CEP350: variants seen among roughly 807,000 people sequenced by gnomAD.
CEP350 encodes centrosome-associated protein 350.
CEP350 carries 126 observed loss-of-function variants against 331.8 expected under a neutral mutation model. The ratio of observed to expected loss-of-function variants is 0.38; its 90% CI spans 0.33 to 0.44. CEP350 has a LOEUF of 0.44. CEP350 is among the 20% of genes least tolerant of loss of function. The probability of loss-of-function intolerance (pLI) is 1.00; values close to 1 mark genes in which losing one functional copy is unlikely to be tolerated. For synonymous variants in CEP350, 1,200 were observed against 1,259.5 expected (o/e 0.95, Z 1.00); for missense variants, 3,406 against 3,634.6 (o/e 0.94, Z 1.62).
chr1:179,985,975 C>T (rs1049257040), intron 1 of CEP350, among the ~76,000 whole-genome samples, 194 bp from the exon 2 acceptor site: 6 of 152,164 alleles, frequency 3.9e-5, no homozygotes, highest in African/African-American at 9.7e-5. Context: ...TACATTCCCA[C>T]GAACAGCACA....
At chr1:180,021,043 A>G in intron 12 of CEP350, 34 bp downstream of exon 12, 3 of 1,428,452 alleles carry the variant, frequency 2.1e-6, no homozygotes, top group Non-Finnish European at 2.8e-6. Context: ...TACTGTTTGT[A>G]TATTAAGATG....
intron 33 of CEP350, among the ~76,000 whole-genome samples, chr1:180,091,008 GT>G (rs1457835831): frequency 2.7e-5 from 4 of 147,640 alleles, no homozygotes; most frequent in South Asian, 2.1e-4. Flanking sequence ...AGTTTTTTGG[GT>G]TTTTTTTTTG....
Position 180,095,889 on chromosome 1 carries a change from G to A in CEP350, c.8878G>A (p.Gly2960Ser), listed in dbSNP as rs1264390991. Residue 2960 changes from glycine (G) to serine (S), a missense_variant, in exon 35 of 38, where the codon GGT becomes AGT. Coordinates refer to ENST00000367607, the MANE Select transcript of CEP350 (RefSeq NM_014810.5). ...AAAACTGCTTGGCTGTGCCAGTAAA[G>A]GTCTAGATATAGAAAGCACTAGTAA... ...PTKLLGCASK[G>S]LDIESTSKRV... 1.9e-6 allele frequency: 3 copies of A among 1,610,498 alleles called. No homozygotes were observed. The highest frequency in any genetic ancestry group is 1.7e-5 in the Admixed American group (1 of 59,182).
Position 180,075,120 on chromosome 1 carries a change from TTCG to T in CEP350, c.5669_5671del (p.Arg1890del), listed in dbSNP as rs748762126. 2 of 1,613,620 alleles carry T rather than the reference TTCG, an allele frequency of 1.2e-6. No homozygotes were observed. Among genetic ancestry groups the T allele is most frequent in the Non-Finnish European group, 1.7e-6 (2 of 1,179,750 alleles). Reference sequence around the variant, plus strand: ...CGTTTAGATGCAGAAGAAGCAGAAATTCGTCAAATGGAAAAACAAGCTTTGGCT... The same window carrying T: ...CGTTTAGATGCAGAAGAAGCAGAAATTCAAATGGAAAAACAAGCTTTGGCT... On this transcript the variant is annotated inframe_deletion, in exon 28 of 38. Transcript: ENST00000367607.
chr1:179,982,689 G>T (rs1652367846), intron 1 of CEP350, among the ~76,000 whole-genome samples: 1 of 152,142 alleles, frequency 6.6e-6, no homozygotes, highest in Non-Finnish European at 1.5e-5. Flanking sequence ...TCTGCCCAAA[G>T]AAATTTTTTG....
chr1:180,021,053 G>T, intron 12 of CEP350, 44 bp downstream of exon 12: 1 of 1,409,200 alleles, frequency 7.1e-7, no homozygotes, highest in Non-Finnish European at 9.3e-7. Flanking sequence ...ATATTAAGAT[G>T]AATTATTTTA....
chr1:180,032,687 G>A (rs1228750802), intron 15 of CEP350, among the ~76,000 whole-genome samples: 4 of 147,610 alleles, frequency 2.7e-5, no homozygotes, highest in Admixed American at 2.7e-4. Context: ...AAGCTCTTTT[G>A]CTTTCTTTTG....
rs143346408 is a variant in CEP350, at chr1:180,061,483, C to A, written c.5263-737C>A. ...TGCTAGGATTACAGGTGTGAGCCACCATGCCCAGCCAAGAAAACAGATTTA... is the reference window on the plus strand; with the variant it reads ...TGCTAGGATTACAGGTGTGAGCCACAATGCCCAGCCAAGAAAACAGATTTA... On this transcript the variant is annotated intron_variant, in intron 25 of 37. Transcript: ENST00000367607. Among the ~76,000 whole-genome samples, 245 of 152,282 alleles carry A rather than the reference C, an allele frequency of 1.6e-3. 4 individuals carry two copies. In the East Asian group the frequency reaches 0.041, roughly 25 times the overall value.
chr1:180,022,794 T>G lies in CEP350; in HGVS notation c.3332T>G (p.Val1111Gly). The part of the protein sequence containing the change: ...LSGVSYEDDF[V>G]SSPGTGTSTE... ...GGTGTTTCATATGAAGATGATTTTG[T>G]CTCCTCTCCAGGGACTGGGACTTCG... Residue 1111 changes from valine to glycine, a missense_variant, in exon 13 of 38, where the codon GTC becomes GGC. Val to Gly is a moderately radical substitution (Grantham distance 109). Around this residue, in one of 5 missense-constraint regions of CEP350, gnomAD observed 1,857 missense variants for 1,909.2 expected, o/e 0.97. Coordinates refer to ENST00000367607, the MANE Select transcript of CEP350 (RefSeq NM_014810.5). The G allele has an allele frequency of 1.2e-6, 2 of 1,604,486 alleles. No individual in the cohort carries two copies. The highest frequency in any genetic ancestry group is 1.7e-6 in the Non-Finnish European group (2 of 1,174,810).
intron 1 of CEP350, among the ~76,000 whole-genome samples, chr1:179,964,617 G>T (rs181559967): frequency 6.6e-6 from 1 of 152,034 alleles, no homozygotes; most frequent in Non-Finnish European, 1.5e-5. Flanking sequence ...GGGAGGTTGT[G>T]TGTTTCCAAG....
At chr1:179,982,964 T>C (rs1652387264) in intron 1 of CEP350, among the ~76,000 whole-genome samples, 1 of 151,790 alleles carries the variant, frequency 6.6e-6, no homozygotes, top group Admixed American at 6.6e-5. Flanking sequence ...CTAATTTTTG[T>C]ATTTTTAGTA....
chr1:179,966,796 A>C (rs1203264482), intron 1 of CEP350, among the ~76,000 whole-genome samples: 1 of 152,100 alleles, frequency 6.6e-6, no homozygotes, highest in East Asian at 1.9e-4. Context: ...ATTTGCTCAA[A>C]CTCTGATAGC....
At chr1:180,102,360 T>C (rs1660874063) in intron 37 of CEP350, among the ~76,000 whole-genome samples, 1 of 152,086 alleles carries the variant, frequency 6.6e-6, no homozygotes, top group Non-Finnish European at 1.5e-5. Context: ...GGTCTCAAGC[T>C]CCTGACCTCA....
Position 180,080,453 on chromosome 1 carries a change from A to C in CEP350, c.5980-64A>C. On this transcript the variant is annotated intron_variant, in intron 29 of 37. Transcript: ENST00000367607. ...TATCTTTATATGGCTAGTATGTCAA[A>C]TTTTAAATAGAATTTTACAATTATA... is the stretch of plus-strand genomic sequence containing the variant. 5 of 1,470,622 alleles carry C rather than the reference A, an allele frequency of 3.4e-6. No homozygotes were observed. The South Asian group carries it at 5.9e-5, about 17-fold the overall frequency. 91.1% of individuals were successfully genotyped at this position (1,470,622 alleles called of 1,614,324 possible).
chr1:179,974,845 G>A (rs1297157967), intron 1 of CEP350, among the ~76,000 whole-genome samples: 5 of 152,050 alleles, frequency 3.3e-5, no homozygotes, highest in Admixed American at 6.5e-5. Context: ...AGATAAATTC[G>A]TTGGACATGG....
intron 37 of CEP350, 37 bp from the exon 38 acceptor site, chr1:180,110,960 C>T (rs1294516877): frequency 1.3e-6 from 2 of 1,570,534 alleles, no homozygotes; most frequent in Non-Finnish European, 1.7e-6. Context: ...TTTTGTATGA[C>T]AGGAATTTTC....
At chr1:180,007,878 G>A (rs1455612110) in intron 8 of CEP350, among the ~76,000 whole-genome samples, 1 of 147,902 alleles carries the variant, frequency 6.8e-6, no homozygotes, top group Non-Finnish European at 1.5e-5. Flanking sequence ...GTGTGTGTGT[G>A]TTAAGGGGTA....
At chr1:180,090,268 C>CG (rs1660091385) in intron 32 of CEP350, among the ~76,000 whole-genome samples, 1 of 151,812 alleles carries the variant, frequency 6.6e-6, no homozygotes. Context: ...TTGATGAGGC[C>CG]GGGCGCGGTG....
In CEP350 at chr1:180,024,577, C is replaced by T; in HGVS notation, c.3545C>T (p.Thr1182Ile). The change falls in exon 14 of 38, where the codon ACA (threonine) becomes ATA (isoleucine). Residue 1182 changes from threonine (T) to isoleucine (I), a missense_variant. By Grantham distance (89) the Thr-to-Ile change is moderately conservative. This residue lies in a region of CEP350 where 1,857 missense variants were observed against 1,909.2 expected (regional missense o/e 0.97). Coordinates refer to ENST00000367607, the MANE Select transcript of CEP350 (RefSeq NM_014810.5). Reference sequence around the variant, plus strand: ...GGAAAGAAAGGAAAAAAGGAAAAGACAGAATGTAAGTGGAATTCCACATGG... The same window carrying T: ...GGAAAGAAAGGAAAAAAGGAAAAGATAGAATGTAAGTGGAATTCCACATGG... ...SKGKKGKKEKTEWLDSFTGNV... is the reference protein window; with the variant it reads ...SKGKKGKKEKIEWLDSFTGNV... The T allele has an allele frequency of 1.2e-6, 2 of 1,608,614 alleles. No homozygotes were observed. The highest frequency in any genetic ancestry group is 1.1e-5 in the South Asian group (1 of 90,566).
Sources: allele counts gnomAD v4.1 joint callset (sites outside exome capture counted in the v4.1 genomes callset), GRCh38; gene constraint gnomAD v4.1.1; regional missense constraint gnomAD v4.1.1; transcripts MANE v1.5; gene names NCBI Gene and HGNC (gene_info 2026-07-23, HGNC 2026-07-21).